Variants in EVC observed in about 807,000 individuals in gnomAD.
EVC encodes the protein evC complex member EVC.
EVC carries 116 observed loss-of-function variants against 118.9 expected under a neutral mutation model. The ratio of observed to expected loss-of-function variants is 0.98; its 90% CI spans 0.84 to 1.14. The LOEUF (loss-of-function observed/expected upper bound fraction) is 1.14, where lower values mean the gene tolerates loss of function less well. Among genes scored for constraint, EVC ranks in the 50% most tolerant of loss-of-function variants. The pLI is 0.00. For missense variants in EVC, 1,401 were observed against 1,246.4 expected (o/e 1.12, Z -1.87); for synonymous variants, 619 against 534.7 (o/e 1.16, Z -2.18).
chr4:5,740,686 G>C (rs1371757582), intron 5 of EVC, among the ~76,000 whole-genome samples: 1 of 152,126 alleles, frequency 6.6e-6, no homozygotes, highest in Non-Finnish European at 1.5e-5. Flanking sequence ...TTGCAAAACA[G>C]ATGTCCACCA....
At chr4:5,814,793 C>G (rs150079014), downstream of EVC, among the ~76,000 whole-genome samples, 728 of 152,052 alleles carry the variant, frequency 4.8e-3, 5 homozygotes, top group African/African-American at 0.016. Context: ...CCCAGTGGCT[C>G]CTAGCCACTC....
the EVC span, among the ~76,000 whole-genome samples, chr4:5,819,583 ACCCC>A: frequency 3.3e-5 from 5 of 152,074 alleles, no homozygotes; most frequent in Non-Finnish European, 2.9e-5. Flanking sequence ...TCAGGCAAGC[ACCCC>A]GTCAGAGTCT....
At chr4:5,734,074 CTGAT>C (rs1727285241) in intron 5 of EVC, among the ~76,000 whole-genome samples, 1 of 152,192 alleles carries the variant, frequency 6.6e-6, no homozygotes, top group South Asian at 2.1e-4. Context: ...CACCTGGCCT[CTGAT>C]TGAATCAGCC....
chr4:5,759,323 G>A (rs2152111426), intron 11 of EVC, among the ~76,000 whole-genome samples: 1 of 150,874 alleles, frequency 6.6e-6, no homozygotes, highest in South Asian at 2.1e-4. Context: ...TGTGTTGATG[G>A]TTTGGTCGCC....
At position 5,719,436 on chromosome 4, in the gene EVC, A is replaced by G; in HGVS notation, c.300+63A>G. The G allele has an allele frequency of 6.2e-7, 1 of 1,611,716 alleles. No homozygotes were observed. Among genetic ancestry groups the G allele is most frequent in the South Asian group, 1.1e-5 (1 of 90,942 alleles). On this transcript the variant is annotated intron_variant, in intron 2 of 20. Transcript: ENST00000264956. The surrounding 1 kb of genome is among the most constrained non-coding windows in gnomAD (Gnocchi z 4.7). ...GTGGGAGGTGGGGTATTCCCCCTGG[A>G]AGCCGGGTGTCATGTAGACAAGCCT...
chr4:5,822,444 A>G, the EVC span, among the ~76,000 whole-genome samples: 1 of 150,774 alleles, frequency 6.6e-6, no homozygotes, highest in African/African-American at 2.4e-5. Flanking sequence ...TGTGCATGTG[A>G]ACTCCGCAAG....
intron 4 of EVC, among the ~76,000 whole-genome samples, chr4:5,732,216 A>G (rs1285044440): frequency 1.3e-5 from 2 of 152,204 alleles, no homozygotes; most frequent in East Asian, 1.9e-4. Flanking sequence ...AACCCAGAGC[A>G]GGGCTCCGCA....
At position 5,798,458 on chromosome 4, in the gene EVC, T is replaced by C; in HGVS notation, c.2098-128T>C. 1.1e-6 allele frequency: 1 copy of C among 931,032 alleles called. No homozygotes were observed. Among genetic ancestry groups the C allele is most frequent in the South Asian group, 1.4e-5 (1 of 71,172 alleles). 57.7% of individuals were successfully genotyped at this position (931,032 alleles called of 1,614,324 possible). Reference sequence around the variant, plus strand: ...TTTGCAAGCCCAGAGGCCACCTCTTTCTGCCCTTTCTCCATCCCTTTTCCA... The same window carrying C: ...TTTGCAAGCCCAGAGGCCACCTCTTCCTGCCCTTTCTCCATCCCTTTTCCA... On this transcript the variant is annotated intron_variant, in intron 14 of 20. Coordinates refer to ENST00000264956, the MANE Select transcript of EVC (RefSeq NM_153717.3). The surrounding 1 kb of genome is among the most constrained non-coding windows in gnomAD (Gnocchi z 4.1).
At chr4:5,787,844 G>A (rs140088944) in intron 12 of EVC, among the ~76,000 whole-genome samples, 17 of 152,188 alleles carry the variant, frequency 1.1e-4, no homozygotes, top group African/African-American at 2.2e-4. Context: ...ACCCCACTCC[G>A]GGTGGTTTTC....
chr4:5,810,814 C>T (rs1716790245), intron 20 of EVC, 139 bp from the exon 21 acceptor site: 4 of 833,424 alleles, frequency 4.8e-6, no homozygotes, highest in Admixed American at 2.0e-5. Flanking sequence ...TTATTGGTTT[C>T]TTAACAACCC....
At chr4:5,766,856 C>T (rs1174661441) in intron 11 of EVC, among the ~76,000 whole-genome samples, 3 of 151,660 alleles carry the variant, frequency 2.0e-5, no homozygotes, top group Non-Finnish European at 4.4e-5. Context: ...TGAATTTCCT[C>T]CTGTAGCTCA....
At chr4:5,728,240 A>T (rs930644108) in intron 2 of EVC, among the ~76,000 whole-genome samples, 18 of 151,862 alleles carry the variant, frequency 1.2e-4, no homozygotes, top group Middle Eastern at 3.4e-3. Context: ...GTATCCTCTT[A>T]TATTTCCTTG....
intron 2 of EVC, among the ~76,000 whole-genome samples, chr4:5,727,614 T>G (rs1460210705): frequency 4.0e-5 from 6 of 151,756 alleles, no homozygotes; most frequent in Non-Finnish European, 8.9e-5. Flanking sequence ...TTGTTGCCAT[T>G]GCTTTTGGTG....
At chr4:5,796,035 T>C (rs1419028977) in intron 13 of EVC, among the ~76,000 whole-genome samples, 1 of 152,184 alleles carries the variant, frequency 6.6e-6, no homozygotes, top group African/African-American at 2.4e-5. Context: ...GCATGGATAT[T>C]TTCCTTTGAG....
downstream of EVC, among the ~76,000 whole-genome samples, chr4:5,816,557 C>T (rs1717704987): frequency 6.6e-6 from 1 of 151,690 alleles, no homozygotes; most frequent in Admixed American, 6.6e-5. Flanking sequence ...TCCCTCCTTT[C>T]TACCCTCTCT....
At chr4:5,801,065 C>T (rs1040832028) in intron 15 of EVC, among the ~76,000 whole-genome samples, 1 of 152,230 alleles carries the variant, frequency 6.6e-6, no homozygotes, top group African/African-American at 2.4e-5. Flanking sequence ...TGGGATGTCT[C>T]AGGGTCTCCT....
chr4:5,781,393 A>G (rs1186443920), intron 11 of EVC, among the ~76,000 whole-genome samples: 1 of 152,176 alleles, frequency 6.6e-6, no homozygotes, highest in East Asian at 1.9e-4. Context: ...AGGCTAACCA[A>G]ACAGCTGGTG....
At chr4:5,781,221 G>C (rs1256707525) in intron 11 of EVC, among the ~76,000 whole-genome samples, 1 of 152,174 alleles carries the variant, frequency 6.6e-6, no homozygotes, top group Non-Finnish European at 1.5e-5. Context: ...GAATGTGGGT[G>C]CTCTAGTTGT....
chr4:5,806,044 C>T (rs1715850005), intron 17 of EVC, among the ~76,000 whole-genome samples: 1 of 151,730 alleles, frequency 6.6e-6, no homozygotes, highest in South Asian at 2.1e-4. Flanking sequence ...TCCCATCGTC[C>T]CGCCGCCCTT....
Sources: allele counts gnomAD v4.1 joint callset (sites outside exome capture counted in the v4.1 genomes callset), GRCh38; gene constraint gnomAD v4.1.1; non-coding constraint Gnocchi (gnomAD v3.1); transcripts MANE v1.5; gene names NCBI Gene and HGNC (gene_info 2026-07-23, HGNC 2026-07-21).